The following ERI3 variants were observed in gnomAD, a reference collection of about 807,000 sequenced individuals.
ERI3 encodes the protein ERI1 exoribonuclease 3.
ERI3 carries 18 observed loss-of-function variants against 44.4 expected under a neutral mutation model. The observed-to-expected ratio is 0.41, with a 90% CI of 0.28 to 0.60. The LOEUF (loss-of-function observed/expected upper bound fraction) is 0.60, where lower values mean the gene tolerates loss of function less well. Among genes scored for constraint, ERI3 ranks in the 20% least tolerant of loss-of-function variants. The pLI, the probability that ERI3 is intolerant of heterozygous loss-of-function variation, is 0.36. For synonymous variants in ERI3, 183 were observed against 164.8 expected, an observed-to-expected ratio of 1.11 and a Z score of -0.84; for missense variants, 294 against 435.5, an observed-to-expected ratio of 0.68 and a Z score of 2.89.
At chr1:44,275,095 A>C (rs937379155) in intron 7 of ERI3, among the ~76,000 whole-genome samples, 3 of 152,102 alleles carry the variant, frequency 2.0e-5, no homozygotes, top group African/African-American at 7.2e-5. Context: ...CCCCTCTCCA[A>C]AATAAAACAA....
At chr1:44,345,525 T>C (rs1247950420) in intron 2 of ERI3, among the ~76,000 whole-genome samples, 1 of 152,176 alleles carries the variant, frequency 6.6e-6, no homozygotes, top group Non-Finnish European at 1.5e-5. Flanking sequence ...CAGTTCTCAG[T>C]CCTGGTGTAA....
intron 3 of ERI3, among the ~76,000 whole-genome samples, chr1:44,326,345 T>C (rs552826917): frequency 1.2e-3 from 187 of 152,150 alleles, no homozygotes; most frequent in African/African-American, 4.1e-3. Context: ...AGAGGGTAAG[T>C]TGGATGGGAG....
intron 7 of ERI3, among the ~76,000 whole-genome samples, chr1:44,265,878 C>CG (rs1644981696): frequency 6.6e-6 from 1 of 151,980 alleles, no homozygotes; most frequent in Non-Finnish European, 1.5e-5. Flanking sequence ...GGGGCATTTG[C>CG]GGGGAAATGA....
rs1406405056 is a variant in ERI3, at chr1:44,248,018, G to A, written c.852C>T (p.Gly284=). 3.7e-6 allele frequency: 6 copies of A among 1,611,906 alleles called. No homozygotes were observed. The East Asian group carries it at 1.3e-4, about 36-fold the overall frequency. The part of the protein sequence containing the change: ...NLKKAYSFAM[G]CWPKNGLLDM... ...CTAGAAGTCCATTCTTGGGCCAGCA[G>A]CCCATGGCGAAGCTGTAAGCCTGGA... Residue 284 remains glycine, a synonymous_variant, in exon 8 of 9, where the codon GGC becomes GGT. Transcript: ENST00000372257.
intron 6 of ERI3, among the ~76,000 whole-genome samples, chr1:44,295,097 C>T (rs965392255): frequency 7.2e-5 from 11 of 152,102 alleles, no homozygotes; most frequent in South Asian, 2.1e-4. Context: ...GACTTCTGGG[C>T]GGGCATTAGA....
intron 7 of ERI3, among the ~76,000 whole-genome samples, chr1:44,264,426 T>C (rs1056329560): frequency 6.6e-6 from 1 of 152,228 alleles, no homozygotes; most frequent in Non-Finnish European, 1.5e-5. Flanking sequence ...ACACAAGTTA[T>C]CATTTCTGCC....
chr1:44,319,893 T>C (rs995864101), intron 3 of ERI3, 149 bp from the exon 4 acceptor site: 4 of 640,194 alleles, frequency 6.2e-6, no homozygotes, highest in Non-Finnish European at 1.1e-5. Flanking sequence ...CAAGATTGAG[T>C]GAGACGGCAC....
rs375883024 is a variant in ERI3 at position 44,228,256 on chromosome 1, C to A, written c.932-6616G>T. 6.6e-5 allele frequency among the ~76,000 whole-genome samples: 10 copies of A among 152,268 alleles called. No homozygotes were observed. In the East Asian group the frequency reaches 1.5e-3, roughly 24 times the overall value. ...CTCCCCTCAGCCCCCTCCACCCCAC[C>A]GAGGTGCCTGGAGGTGCCACAGGCT... On this transcript the variant is annotated intron_variant, in intron 8 of 8. Coordinates refer to ENST00000372257, the MANE Select transcript of ERI3 (RefSeq NM_024066.3). The surrounding 1 kb of genome is among the most constrained non-coding windows in gnomAD (Gnocchi z 4.3).
At chr1:44,333,641 C>G (rs1455697756) in intron 3 of ERI3, among the ~76,000 whole-genome samples, 2 of 152,180 alleles carry the variant, frequency 1.3e-5, no homozygotes, top group African/African-American at 2.4e-5. Flanking sequence ...CTTTCAGCCT[C>G]GAACGAAGGA....
At chr1:44,284,003 T>C (rs1204274287) in intron 7 of ERI3, 1 of 470,722 alleles carries the variant, frequency 2.1e-6, no homozygotes, top group Non-Finnish European at 4.4e-6. Flanking sequence ...CCCGGTGTGT[T>C]CTCCTTTCTC....
At position 44,319,747 on chromosome 1, in the gene ERI3, G is replaced by A. The variant is rs1646161326; in HGVS notation, c.490-3C>T. 2 of 1,598,728 alleles carry A rather than the reference G, an allele frequency of 1.3e-6. No homozygotes were observed. The highest frequency in any genetic ancestry group is 1.7e-6 in the Non-Finnish European group (2 of 1,166,256). Reference sequence around the variant, plus strand: ...AGGATGGGGAACTCGATGATTTCCTGGAGTGCCAAAGATACAGAAAAGGAA... The same window carrying A: ...AGGATGGGGAACTCGATGATTTCCTAGAGTGCCAAAGATACAGAAAAGGAA... On this transcript the variant is annotated splice_region_variant and splice_polypyrimidine_tract_variant and intron_variant, in intron 3 of 8. Transcript: ENST00000372257.
chr1:44,283,817 C>A (rs542736257), intron 7 of ERI3, among the ~76,000 whole-genome samples: 8 of 152,162 alleles, frequency 5.3e-5, no homozygotes, highest in Non-Finnish European at 1.0e-4. Flanking sequence ...TAGCTCCAGC[C>A]CCCACACACA....
chr1:44,344,752 A>G (rs1160890709), intron 2 of ERI3, among the ~76,000 whole-genome samples: 2 of 152,214 alleles, frequency 1.3e-5, no homozygotes, highest in Non-Finnish European at 2.9e-5. Flanking sequence ...TTCATCAGAG[A>G]CTAAGATTTA....
intron 3 of ERI3, among the ~76,000 whole-genome samples, chr1:44,337,364 T>C (rs915452692): frequency 2.6e-5 from 4 of 152,182 alleles, no homozygotes; most frequent in African/African-American, 9.7e-5. Context: ...TAATATGACA[T>C]ATTAAGATTT....
chr1:44,281,886 G>GTGTGTA (rs1645297192), intron 7 of ERI3, among the ~76,000 whole-genome samples: 1 of 125,338 alleles, frequency 8.0e-6, no homozygotes, highest in Admixed American at 7.3e-5. Flanking sequence ...ATATGTGTGT[G>GTGTGTA]TGTGTGTGTG....
chr1:44,326,516 A>G (rs969176338), intron 3 of ERI3, among the ~76,000 whole-genome samples: 1 of 152,352 alleles, frequency 6.6e-6, no homozygotes, highest in Admixed American at 6.5e-5. Flanking sequence ...TGGCGGGTTA[A>G]ATTTATTGCC....
intron 4 of ERI3, among the ~76,000 whole-genome samples, chr1:44,316,074 G>A (rs1646082209): frequency 6.6e-6 from 1 of 152,014 alleles, no homozygotes; most frequent in Non-Finnish European, 1.5e-5. Flanking sequence ...GATGCTATGA[G>A]GGAACGAGAC....
intron 6 of ERI3, among the ~76,000 whole-genome samples, chr1:44,288,540 G>A (rs1645439617): frequency 6.6e-6 from 1 of 152,198 alleles, no homozygotes; most frequent in Non-Finnish European, 1.5e-5. Flanking sequence ...TGTGAGGAAG[G>A]TGGGTTAGAG....
intron 3 of ERI3, among the ~76,000 whole-genome samples, chr1:44,329,802 G>C (rs1362268993): frequency 6.6e-6 from 1 of 152,114 alleles, no homozygotes; most frequent in African/African-American, 2.4e-5. Context: ...CTTCTACTCA[G>C]AGTACCCCAT....
Sources: gnomAD v4.1 joint callset for allele counts (sites outside exome capture counted in the v4.1 genomes callset) on GRCh38, gnomAD v4.1.1 for gene constraint, Gnocchi (gnomAD v3.1) non-coding constraint, MANE v1.5 for transcripts, NCBI Gene and HGNC (gene_info 2026-07-23, HGNC 2026-07-21) for gene names.